The following CASZ1 variants were observed in gnomAD, a reference collection of about 807,000 sequenced individuals.
The protein encoded by CASZ1 is castor zinc finger 1, also known as zinc finger protein castor homolog 1.
A neutral mutation model predicts 135.2 loss-of-function variants in CASZ1; 28 were observed. The observed-to-expected ratio is 0.21, with a 90% CI of 0.15 to 0.28. The LOEUF is 0.28. Among genes scored for constraint, CASZ1 ranks in the 10% least tolerant of loss-of-function variants. The pLI is 1.00. For missense variants in CASZ1, 2,161 were observed against 2,453.3 expected (o/e 0.88, Z 2.52); for synonymous variants, 1,068 against 1,073.4 (o/e 0.99, Z 0.10).
intron 1 of CASZ1, among the ~76,000 whole-genome samples, chr1:10,782,721 G>A (rs1030781007): frequency 6.6e-6 from 1 of 152,178 alleles, no homozygotes; most frequent in African/African-American, 2.4e-5. Context: ...CGGGATCGCT[G>A]GCGGAGCCAC....
rs1639417526 is a variant in CASZ1, at chr1:10,717,595, C to T, written c.-76-12051G>A. ...CCCTCCAACCAGTTCAGATTTCCAG[C>T]TGCTCAGACACTTTGGGATCAGACA... On this transcript the variant is annotated intron_variant, in intron 2 of 20. Transcript: ENST00000377022. The surrounding 1 kb of genome is among the most constrained non-coding windows in gnomAD (Gnocchi z 4.6). 6.6e-6 allele frequency among the ~76,000 whole-genome samples: 1 copy of T among 152,192 alleles called. No individual in the cohort carries two copies. The highest frequency in any genetic ancestry group is 1.5e-5 in the Non-Finnish European group (1 of 68,030).
intron 2 of CASZ1, among the ~76,000 whole-genome samples, chr1:10,730,975 G>A (rs905756801): frequency 8.5e-5 from 13 of 152,184 alleles, no homozygotes; most frequent in Non-Finnish European, 1.9e-4. Context: ...GCATGGTGGC[G>A]TGTGCCTATA....
Position 10,665,181 on chromosome 1 carries a change from G to A in CASZ1, c.407C>T (p.Ala136Val), listed in dbSNP as rs376986221. 51 of 1,568,944 alleles carry A rather than the reference G, an allele frequency of 3.3e-5. No homozygotes were observed. The highest frequency in any genetic ancestry group is 1.8e-4 in the South Asian group (15 of 84,530). ...PQGCSDEEDH[A>V]EEPSKDGGAL... ...ACCGCCGTCCTTGGAGGGCTCCTCC[G>A]CGTGGTCTTCCTCATCGCTGCACCC... Residue 136 changes from alanine to valine, a missense_variant, in exon 5 of 21, where the codon GCG becomes GTG. Around this residue, in one of 7 missense-constraint regions of CASZ1, gnomAD observed 590 missense variants for 609.8 expected, o/e 0.97. Transcript: ENST00000377022.
At chr1:10,693,058 C>T (rs1570485637) in intron 4 of CASZ1, among the ~76,000 whole-genome samples, 1 of 152,134 alleles carries the variant, frequency 6.6e-6, no homozygotes, top group Admixed American at 6.5e-5. Context: ...AGATTAAACC[C>T]AAGAAAACAC....
rs1642080950 is a variant in CASZ1 at position 10,638,746 on chromosome 1, T to C, written c.*196A>G. The C allele has an allele frequency of 1.1e-5, 4 of 378,488 alleles. 1 individual carries two copies. The highest frequency in any genetic ancestry group is 6.6e-5 in the African/African-American group (3 of 45,676). The allele number at this position is 378,488 out of a possible 1,614,324, so 23.4% of individuals were successfully genotyped here. On this transcript the variant is annotated 3_prime_UTR_variant, in exon 21 of 21. Coordinates refer to ENST00000377022, the MANE Select transcript of CASZ1 (RefSeq NM_001079843.3). This position sits in a 1 kb window ranked among gnomAD's most constrained non-coding sequence, Gnocchi z 5.9. ...TTTCCCTGAAGAGACCCGGCCTCCC[T>C]AGAGCAGGGCCACCGCCGCCGCCTG...
chr1:10,708,635 C>T (rs1010239404), intron 2 of CASZ1, among the ~76,000 whole-genome samples: 1 of 152,192 alleles, frequency 6.6e-6, no homozygotes, highest in Admixed American at 6.5e-5. Context: ...CCTCATCCAG[C>T]CCTTCTCCTG....
At chr1:10,736,727 A>AACC (rs1235757184) in intron 2 of CASZ1, among the ~76,000 whole-genome samples, 1 of 152,244 alleles carries the variant, frequency 6.6e-6, no homozygotes, top group Non-Finnish European at 1.5e-5. Context: ...AGGACGAGTG[A>AACC]ACCACCAGCT....
chr1:10,733,476 G>A (rs1053781042), intron 2 of CASZ1, among the ~76,000 whole-genome samples: 5 of 152,194 alleles, frequency 3.3e-5, no homozygotes, highest in Admixed American at 2.6e-4. Context: ...AGCTGGCTTT[G>A]TATCAGGGAC....
chr1:10,662,444 T>A (rs750623158), intron 5 of CASZ1, among the ~76,000 whole-genome samples: 1 of 151,090 alleles, frequency 6.6e-6, no homozygotes, highest in Non-Finnish European at 1.5e-5. Context: ...TATTACACAC[T>A]CTCACCCGCA....
intron 5 of CASZ1, among the ~76,000 whole-genome samples, chr1:10,663,812 G>C (rs1643133099): frequency 6.6e-6 from 1 of 152,224 alleles, no homozygotes; most frequent in Non-Finnish European, 1.5e-5. Context: ...GGATCCCTGA[G>C]GCCATTGGCA....
At chr1:10,644,886 AG>A in intron 18 of CASZ1, 30 bp downstream of exon 18, 1 of 1,593,964 alleles carries the variant, frequency 6.3e-7, no homozygotes, top group Non-Finnish European at 8.6e-7. Context: ...GCCTGCTGCA[AG>A]TCCCTGCCCG....
chr1:10,713,715 G>A (rs1639327568), intron 2 of CASZ1, among the ~76,000 whole-genome samples: 1 of 152,256 alleles, frequency 6.6e-6, no homozygotes, highest in Admixed American at 6.5e-5. Context: ...GGCTTCTCCA[G>A]GCTTGATGAG....
At position 10,665,120 on chromosome 1, in the gene CASZ1, G is replaced by A. The variant is rs776736185; in HGVS notation, c.468C>T (p.Ser156=). 2.0e-6 allele frequency: 3 copies of A among 1,514,740 alleles called. No individual in the cohort carries two copies. The African/African-American group carries it at 4.2e-5, about 21-fold the overall frequency. 93.8% of individuals were successfully genotyped at this position (1,514,740 alleles called of 1,614,324 possible). Residue 156 remains serine (S), a synonymous_variant, in exon 5 of 21, where the codon TCC becomes TCT. Transcript: ENST00000377022. ...TGGTGCTGGGGCCGCTGTCCTCCTT[G>A]GAGGCTGCCCCGTCCGAATCCTTCT... The part of the protein sequence containing the change: ...LEEKDSDGAA[S]KEDSGPSTRQ...
At chr1:10,732,536 G>A (rs529528169) in intron 2 of CASZ1, among the ~76,000 whole-genome samples, 1 of 152,236 alleles carries the variant, frequency 6.6e-6, no homozygotes, top group African/African-American at 2.4e-5. Context: ...GGCCTTAGAG[G>A]TGGTGTGGGC....
chr1:10,649,669 CAT>C, intron 13 of CASZ1: 1 of 518,316 alleles, frequency 1.9e-6, no homozygotes, highest in South Asian at 3.2e-5. Flanking sequence ...GGCTCCTCCA[CAT>C]GAGCCCGTGC....
At chr1:10,662,991 A>G (rs933994784) in intron 5 of CASZ1, among the ~76,000 whole-genome samples, 14 of 152,218 alleles carry the variant, frequency 9.2e-5, no homozygotes, top group African/African-American at 3.1e-4. Context: ...CTGCCCCTTC[A>G]CTGCCCGTGT....
intron 2 of CASZ1, among the ~76,000 whole-genome samples, chr1:10,715,467 C>A (rs1266236953): frequency 1.3e-5 from 2 of 151,864 alleles, no homozygotes; most frequent in East Asian, 3.9e-4. Flanking sequence ...GATGCCTCCT[C>A]CACTCCCCAC....
intron 4 of CASZ1, among the ~76,000 whole-genome samples, chr1:10,672,199 C>T (rs1476128518): frequency 6.7e-6 from 1 of 150,354 alleles, no homozygotes. Context: ...ACTGTTTAAC[C>T]TTCTCCCCCC....
rs1402417576 is a variant in CASZ1 at position 10,700,223 on chromosome 1, TTG to T, written c.-24+5267_-24+5268del. On this transcript the variant is annotated intron_variant, in intron 3 of 20. Transcript: ENST00000377022. The surrounding 1 kb of genome is among the most constrained non-coding windows in gnomAD (Gnocchi z 4.2). Reference sequence around the variant, plus strand: ...TGTTCTGGAATGTTGGGTTGGCATTTTGTCTCAGTTACAATGATCAGCTGCAG... The same window carrying T: ...TGTTCTGGAATGTTGGGTTGGCATTTTCTCAGTTACAATGATCAGCTGCAG... Among the ~76,000 whole-genome samples, 4 of 152,168 alleles carry T rather than the reference TTG, an allele frequency of 2.6e-5. No individual in the cohort carries two copies. The highest frequency in any genetic ancestry group is 7.2e-5 in the African/African-American group (3 of 41,440).
Sources: allele counts gnomAD v4.1 joint callset (sites outside exome capture counted in the v4.1 genomes callset), GRCh38; gene constraint gnomAD v4.1.1; regional missense constraint gnomAD v4.1.1; non-coding constraint Gnocchi (gnomAD v3.1); transcripts MANE v1.5; gene names NCBI Gene and HGNC (gene_info 2026-07-23, HGNC 2026-07-21).